The following FGF12 variants were observed in gnomAD, a reference collection of about 807,000 sequenced individuals.
The protein encoded by FGF12 is fibroblast growth factor 12B.
In FGF12, 14 loss-of-function variants were observed where a neutral mutation model predicts 23.6. The observed-to-expected ratio is 0.59, with a 90% CI of 0.39 to 0.93. The LOEUF is 0.93. Among genes scored for constraint, FGF12 ranks in the 40% least tolerant of loss-of-function variants. The pLI is 0.00. For synonymous variants in FGF12, 62 were observed against 77.3 expected (o/e 0.80, Z 1.04); for missense variants, 175 against 217.8 (o/e 0.80, Z 1.24).
chr3:192,521,830 C>G (rs192339249), intron 2 of FGF12, among the ~76,000 whole-genome samples: 1 of 152,148 alleles, frequency 6.6e-6, no homozygotes, highest in East Asian at 1.9e-4. Flanking sequence ...GACTATGAGC[C>G]TTTTCGCCTC....
At chr3:192,287,622 G>A (rs760447589) in intron 4 of FGF12, among the ~76,000 whole-genome samples, 6 of 151,954 alleles carry the variant, frequency 3.9e-5, no homozygotes, top group Non-Finnish European at 7.4e-5. Context: ...TTCAGTGGAG[G>A]GGCAAATGAT....
intron 4 of FGF12, among the ~76,000 whole-genome samples, chr3:192,176,383 C>A (rs1469802345): frequency 1.3e-5 from 2 of 152,168 alleles, no homozygotes; most frequent in Non-Finnish European, 2.9e-5. Context: ...TTTTCTTGCT[C>A]CTATAGCAGA....
chr3:192,285,822 T>C (rs1331561273), intron 4 of FGF12, among the ~76,000 whole-genome samples: 2 of 152,008 alleles, frequency 1.3e-5, no homozygotes, highest in African/African-American at 2.4e-5. Context: ...GGTTATCTTG[T>C]TTTTGGTGGA....
At chr3:192,171,644 C>T (rs964580961) in intron 4 of FGF12, among the ~76,000 whole-genome samples, 1 of 152,216 alleles carries the variant, frequency 6.6e-6, no homozygotes, top group Non-Finnish European at 1.5e-5. Context: ...GCTATTGCAT[C>T]TTCTTCAGCT....
intron 4 of FGF12, among the ~76,000 whole-genome samples, chr3:192,263,561 A>C (rs1287656206): frequency 6.6e-6 from 1 of 151,888 alleles, no homozygotes; most frequent in Non-Finnish European, 1.5e-5. Context: ...AAAAAAAAAA[A>C]CTATTCCTGA....
chr3:192,647,812 A>G (rs1194321476), intron 2 of FGF12, among the ~76,000 whole-genome samples: 1 of 151,574 alleles, frequency 6.6e-6, no homozygotes, highest in Non-Finnish European at 1.5e-5. Context: ...GATTCCATCA[A>G]ATTAACGAAC....
chr3:192,166,300 A>T (rs980265888), intron 5 of FGF12, among the ~76,000 whole-genome samples: 5 of 152,238 alleles, frequency 3.3e-5, no homozygotes, highest in African/African-American at 1.2e-4. Flanking sequence ...CATGTGTTTC[A>T]TGTCAGTTAC....
intron 2 of FGF12, among the ~76,000 whole-genome samples, chr3:192,410,901 A>G (rs1222871093): frequency 6.6e-6 from 1 of 152,218 alleles, no homozygotes; most frequent in Non-Finnish European, 1.5e-5. Context: ...ATGAAGCATT[A>G]ATCACCCTCC....
At chr3:192,159,698 A>G (rs1270718867) in intron 5 of FGF12, among the ~76,000 whole-genome samples, 1 of 152,142 alleles carries the variant, frequency 6.6e-6, no homozygotes, top group Non-Finnish European at 1.5e-5. Context: ...GCGGTGGTGA[A>G]TTTGCCTTCA....
intron 3 of FGF12, among the ~76,000 whole-genome samples, chr3:192,354,470 A>T (rs1718375230): frequency 6.6e-6 from 1 of 151,990 alleles, no homozygotes; most frequent in South Asian, 2.1e-4. Context: ...AAAAAAAAAT[A>T]TCGGAGGCAA....
chr3:192,355,555 C>T (rs187306593), intron 3 of FGF12, among the ~76,000 whole-genome samples: 1 of 152,200 alleles, frequency 6.6e-6, no homozygotes, highest in African/African-American at 2.4e-5. Flanking sequence ...TAACACTCGG[C>T]AAGGAGGAAA....
intron 4 of FGF12, among the ~76,000 whole-genome samples, chr3:192,263,772 A>G (rs1266269151): frequency 6.6e-6 from 1 of 152,100 alleles, no homozygotes; most frequent in African/African-American, 2.4e-5. Context: ...ATAAACTTCT[A>G]ATACCATATA....
At chr3:192,208,806 T>G (rs144482362) in intron 4 of FGF12, among the ~76,000 whole-genome samples, 1 of 152,344 alleles carries the variant, frequency 6.6e-6, no homozygotes, top group African/African-American at 2.4e-5. Context: ...AATTTCAATT[T>G]GAGCCAAATG....
At chr3:192,291,297 C>T (rs1714745839) in intron 4 of FGF12, among the ~76,000 whole-genome samples, 1 of 151,996 alleles carries the variant, frequency 6.6e-6, no homozygotes, top group African/African-American at 2.4e-5. Context: ...ATTATCACTA[C>T]AGGCCAGGCA....
Position 192,522,870 on chromosome 3 carries a change from C to T in FGF12, c.14-162332G>A, listed in dbSNP as rs184450239. Among the ~76,000 whole-genome samples, 7 of 152,172 alleles carry T rather than the reference C, an allele frequency of 4.6e-5. No homozygotes were observed. The East Asian group carries it at 5.8e-4, about 13-fold the overall frequency. The stretch of plus-strand genomic sequence containing the variant: ...AATCTAGAAAATAAGAATGTGCATA[C>T]GTTCACGTTTATAAACTCATGGACT... On this transcript the variant is annotated intron_variant, in intron 2 of 5. Coordinates refer to ENST00000445105, the MANE Select transcript of FGF12 (RefSeq NM_004113.6).
At position 192,224,616 on chromosome 3, in the gene FGF12, T is replaced by C. The variant is rs1002001594; in HGVS notation, c.229-53960A>G. ...ACTTATTCTTAAATTTCTTCTTAGGTCTGCCATTGAGTCACTCTTAAAAGA... is the reference window on the plus strand; with the variant it reads ...ACTTATTCTTAAATTTCTTCTTAGGCCTGCCATTGAGTCACTCTTAAAAGA... On this transcript the variant is annotated intron_variant, in intron 4 of 5. Coordinates refer to ENST00000445105, the MANE Select transcript of FGF12 (RefSeq NM_004113.6). 6.2e-4 allele frequency among the ~76,000 whole-genome samples: 94 copies of C among 152,096 alleles called. 1 individual carries two copies. The highest frequency in any genetic ancestry group is 2.2e-3 in the African/African-American group (92 of 41,438).
At chr3:192,185,966 C>CATT (rs142395682) in intron 4 of FGF12, among the ~76,000 whole-genome samples, 2,408 of 151,230 alleles carry the variant, frequency 0.016, 54 homozygotes, top group African/African-American at 0.055. Context: ...AGAGAAAAAA[C>CATT]ATTAAAAAAA....
chr3:192,705,378 T>C (rs1053457281), intron 2 of FGF12, among the ~76,000 whole-genome samples: 2 of 152,192 alleles, frequency 1.3e-5, no homozygotes, highest in Non-Finnish European at 2.9e-5. Context: ...GGGAGAAAGA[T>C]GGGGAACAGA....
intron 4 of FGF12, among the ~76,000 whole-genome samples, chr3:192,253,763 T>C (rs953028527): frequency 6.6e-6 from 1 of 152,082 alleles, no homozygotes; most frequent in African/African-American, 2.4e-5. Context: ...CCCCACAGAA[T>C]GATTTAGGCT....
Sources: allele counts gnomAD v4.1 joint callset (sites outside exome capture counted in the v4.1 genomes callset), GRCh38; gene constraint gnomAD v4.1.1; transcripts MANE v1.5; gene names NCBI Gene and HGNC (gene_info 2026-07-23, HGNC 2026-07-21).